ASTN1: variants seen among roughly 807,000 people sequenced by gnomAD.
ASTN1 encodes astrotactin-1.
ASTN1 carries 41 observed loss-of-function variants against 140.7 expected under a neutral mutation model. The ratio of observed to expected loss-of-function variants is 0.29; its 90% CI spans 0.23 to 0.38. The LOEUF (loss-of-function observed/expected upper bound fraction) is 0.38, where lower values mean the gene tolerates loss of function less well. Among genes scored for constraint, ASTN1 ranks in the 10% least tolerant of loss-of-function variants. The pLI is 1.00. For synonymous variants in ASTN1, 640 were observed against 652.2 expected (o/e 0.98, Z 0.29); for missense variants, 1,479 against 1,678.8 (o/e 0.88, Z 2.08).
At chr1:176,986,699 C>T (rs1673923725) in intron 8 of ASTN1, among the ~76,000 whole-genome samples, 1 of 152,122 alleles carries the variant, frequency 6.6e-6, no homozygotes, top group Admixed American at 6.5e-5. Context: ...GCTGAGAAAT[C>T]TTAAGTAAAT....
chr1:176,980,966 C>T (rs1673585142), intron 8 of ASTN1, among the ~76,000 whole-genome samples: 1 of 152,076 alleles, frequency 6.6e-6, no homozygotes, highest in African/African-American at 2.4e-5. Context: ...AATCTCAGCA[C>T]TTTGGGAGGC....
chr1:177,082,744 C>G (rs1440669635), intron 1 of ASTN1, among the ~76,000 whole-genome samples: 1 of 152,158 alleles, frequency 6.6e-6, no homozygotes, highest in East Asian at 1.9e-4. Flanking sequence ...CCTGGCTTCC[C>G]TGTAATACTC....
At chr1:177,144,543 C>T (rs1682635024) in intron 1 of ASTN1, among the ~76,000 whole-genome samples, 1 of 149,416 alleles carries the variant, frequency 6.7e-6, no homozygotes, top group African/African-American at 2.5e-5. Flanking sequence ...TGAGCCACCG[C>T]GCCCAGCTGT....
chr1:176,962,308 C>G lies in ASTN1; in HGVS notation c.1598+2855G>C, dbSNP rs12752771. On this transcript the variant is annotated intron_variant, in intron 9 of 22. Transcript: ENST00000361833. Reference sequence around the variant, plus strand: ...CAGGGTCCTCTTAGATCCTTTGAGTCTAGCTTTGGCCCTTCCCAAGTTATT... The same window carrying G: ...CAGGGTCCTCTTAGATCCTTTGAGTGTAGCTTTGGCCCTTCCCAAGTTATT... Among the ~76,000 whole-genome samples, 1,335 of 152,306 alleles carry G rather than the reference C, an allele frequency of 8.8e-3. 14 individuals are homozygous for G. The highest frequency in any genetic ancestry group is 0.014 in the Middle Eastern group (4 of 294).
At position 176,986,021 on chromosome 1, in the gene ASTN1, G is replaced by A. The variant is rs186325464; in HGVS notation, c.1524-20784C>T. Among the ~76,000 whole-genome samples, 503 of 152,200 alleles carry A rather than the reference G, an allele frequency of 3.3e-3. 3 individuals are homozygous for A. Among genetic ancestry groups the A allele is most frequent in the Non-Finnish European group, 4.9e-3 (333 of 68,012 alleles). On this transcript the variant is annotated intron_variant, in intron 8 of 22. Transcript: ENST00000361833. ...ACTGGATGACAGGCTTCCAGAGGGCGCAGCTGAGAACTGCCTCCTGCGCCC... is the reference window on the plus strand; with the variant it reads ...ACTGGATGACAGGCTTCCAGAGGGCACAGCTGAGAACTGCCTCCTGCGCCC...
At chr1:177,018,121 C>A (rs1571656485) in intron 7 of ASTN1, among the ~76,000 whole-genome samples, 1 of 136,440 alleles carries the variant, frequency 7.3e-6, no homozygotes, top group Non-Finnish European at 1.6e-5. Context: ...ATTGTTTGAT[C>A]TCCCTTCCCA....
intron 16 of ASTN1, among the ~76,000 whole-genome samples, chr1:176,925,093 A>G (rs1160212970): frequency 6.6e-6 from 1 of 152,200 alleles, no homozygotes; most frequent in Admixed American, 6.5e-5. Flanking sequence ...CAGTTCTTCA[A>G]TTCTGCACAT....
intron 18 of ASTN1, among the ~76,000 whole-genome samples, chr1:176,886,798 C>A (rs917874314): frequency 1.3e-5 from 2 of 152,330 alleles, no homozygotes; most frequent in Admixed American, 6.5e-5. Flanking sequence ...GCCTACTCAG[C>A]CTTTCACTTT....
At chr1:177,087,003 T>G (rs952447646) in intron 1 of ASTN1, among the ~76,000 whole-genome samples, 10 of 152,216 alleles carry the variant, frequency 6.6e-5, no homozygotes, top group African/African-American at 2.4e-4. Context: ...ACGGCATCTA[T>G]TCTCAAACTT....
At chr1:177,096,156 T>C (rs1206784445) in intron 1 of ASTN1, among the ~76,000 whole-genome samples, 1 of 152,176 alleles carries the variant, frequency 6.6e-6, no homozygotes, top group Non-Finnish European at 1.5e-5. Flanking sequence ...ACACATAACT[T>C]GTTTGATTTC....
At chr1:176,857,776 G>C (rs1183507473), downstream of ASTN1, 1 of 409,152 alleles carries the variant, frequency 2.4e-6, no homozygotes. Flanking sequence ...CTGATTAGGA[G>C]TATGTGCTTT....
Position 177,023,519 on chromosome 1 carries a change from C to T in ASTN1, c.1323G>A (p.Leu441=), listed in dbSNP as rs1675937633. The T allele has an allele frequency of 1.2e-6, 2 of 1,608,556 alleles. No homozygotes were observed. Among genetic ancestry groups the T allele is most frequent in the African/African-American group, 1.3e-5 (1 of 74,614 alleles). The change falls in exon 7 of 23, where the codon CTG becomes CTA. Residue 441 remains leucine (L), a synonymous_variant. Transcript: ENST00000361833. ...AGAAGAGAACCACTTGGGCAGGGTT[C>T]AGCCAGTCACTGGCATCCAGCTGGC... ...EGSQLDASDW[L]NPAQVVLFSQ...
intron 11 of ASTN1, among the ~76,000 whole-genome samples, chr1:176,957,225 G>A (rs867048790): frequency 3.9e-5 from 6 of 152,100 alleles, no homozygotes; most frequent in Admixed American, 6.6e-5. Context: ...GGCTGATAAC[G>A]AAGTACTTTA....
chr1:177,092,772 C>G (rs1436236400), intron 1 of ASTN1, among the ~76,000 whole-genome samples: 1 of 152,170 alleles, frequency 6.6e-6, no homozygotes, highest in Non-Finnish European at 1.5e-5. Context: ...TGATTTCCCT[C>G]ATTGAATTGT....
intron 7 of ASTN1, among the ~76,000 whole-genome samples, chr1:177,016,629 C>T (rs1238529874): frequency 1.3e-5 from 2 of 152,170 alleles, no homozygotes; most frequent in African/African-American, 4.8e-5. Flanking sequence ...GAAGGCTTCA[C>T]ACCTTCTCAA....
intron 1 of ASTN1, among the ~76,000 whole-genome samples, chr1:177,138,832 C>T (rs1571838680): frequency 6.6e-6 from 1 of 152,156 alleles, no homozygotes; most frequent in African/African-American, 2.4e-5. Context: ...GCCAGCTTCC[C>T]TAAAATATGA....
intron 8 of ASTN1, among the ~76,000 whole-genome samples, chr1:176,978,788 C>A (rs1673477551): frequency 6.6e-6 from 1 of 152,074 alleles, no homozygotes; most frequent in Non-Finnish European, 1.5e-5. Flanking sequence ...TGGGAGTCAA[C>A]ATAAAGGACA....
chr1:177,152,542 C>T (rs1034956371), intron 1 of ASTN1, among the ~76,000 whole-genome samples: 2 of 151,000 alleles, frequency 1.3e-5, no homozygotes, highest in East Asian at 3.9e-4. Flanking sequence ...AAAAAAAAAA[C>T]TTTAAAATTC....
chr1:177,140,603 C>T, intron 1 of ASTN1, among the ~76,000 whole-genome samples: 1 of 152,134 alleles, frequency 6.6e-6, no homozygotes, highest in Non-Finnish European at 1.5e-5. Flanking sequence ...CATTGGGTGT[C>T]CATGTGTGTA....
Sources: gnomAD v4.1 joint callset for allele counts (sites outside exome capture counted in the v4.1 genomes callset) on GRCh38, gnomAD v4.1.1 for gene constraint, MANE v1.5 for transcripts, NCBI Gene and HGNC (gene_info 2026-07-23, HGNC 2026-07-21) for gene names.